Variants in ZNF730 observed in about 807,000 individuals in gnomAD.
ZNF730 encodes the protein putative zinc finger protein 730.
In ZNF730, 12 loss-of-function variants were observed where a neutral mutation model predicts 12.6. The observed-to-expected ratio is 0.95, with a 90% confidence interval of 0.61 to 1.54. The LOEUF is 1.54. ZNF730 is among the 40% of genes most tolerant of loss of function. The pLI is 0.00. For synonymous variants in ZNF730, 194 were observed against 195.8 expected (o/e 0.99, Z 0.08); for missense variants, 643 against 583.5 (o/e 1.10, Z -1.05).
chr19:23,092,552 G>A (rs996423609), intron 1 of ZNF730, among the ~76,000 whole-genome samples: 3 of 152,104 alleles, frequency 2.0e-5, no homozygotes, highest in Non-Finnish European at 4.4e-5. Flanking sequence ...TTGCACCATT[G>A]CACTCCAGCC....
At chr19:23,133,906 T>G (rs1970780498) in intron 1 of ZNF730, among the ~76,000 whole-genome samples, 174 bp from the exon 2 acceptor site, 1 of 152,182 alleles carries the variant, frequency 6.6e-6, no homozygotes, top group African/African-American at 2.4e-5. Flanking sequence ...TTTCTCAGAG[T>G]TAGAGTATAT....
upstream of ZNF730, among the ~76,000 whole-genome samples, chr19:23,112,974 A>T (rs1970475797): frequency 6.6e-6 from 1 of 152,336 alleles, no homozygotes; most frequent in South Asian, 2.1e-4. Context: ...TTAGAAATGT[A>T]TCCCCTATCA....
At chr19:23,083,716 T>G (rs1331123777) in intron 1 of ZNF730, among the ~76,000 whole-genome samples, 1 of 152,138 alleles carries the variant, frequency 6.6e-6, no homozygotes, top group Non-Finnish European at 1.5e-5. Context: ...CTGTTAGCCA[T>G]TCATATGTTT....
chr19:23,115,835 A>G (rs1021654823), upstream of ZNF730, among the ~76,000 whole-genome samples: 6 of 152,154 alleles, frequency 3.9e-5, no homozygotes, highest in Non-Finnish European at 8.8e-5. Context: ...ATTATTACCT[A>G]ATAAGTTTTG....
chr19:23,108,263 T>G (rs990430398), intron 1 of ZNF730, among the ~76,000 whole-genome samples: 4 of 152,086 alleles, frequency 2.6e-5, no homozygotes, highest in African/African-American at 9.7e-5. Flanking sequence ...CAGGTTCAAC[T>G]CAAGCAATTC....
At chr19:23,080,554 T>C (rs1969944623) in intron 1 of ZNF730, among the ~76,000 whole-genome samples, 1 of 151,988 alleles carries the variant, frequency 6.6e-6, no homozygotes, top group South Asian at 2.1e-4. Flanking sequence ...TTTTTATTTT[T>C]AGTAGAGACG....
upstream of ZNF730, among the ~76,000 whole-genome samples, chr19:23,116,534 G>C (rs948556964): frequency 6.8e-6 from 1 of 146,096 alleles, no homozygotes; most frequent in Non-Finnish European, 1.5e-5. Flanking sequence ...AGCCTCCCGA[G>C]TAGCTGGGAT....
intron 1 of ZNF730, among the ~76,000 whole-genome samples, chr19:23,105,159 C>T (rs1196414315): frequency 6.6e-6 from 1 of 150,782 alleles, no homozygotes; most frequent in Non-Finnish European, 1.5e-5. Flanking sequence ...GCTCTGTCAC[C>T]CAGGCTGGAG....
At position 23,146,070 on chromosome 19, in the gene ZNF730, T is replaced by C. The variant is rs541473162; in HGVS notation, c.1026T>C (p.Cys342=). 2 of 1,612,388 alleles carry C rather than the reference T, an allele frequency of 1.2e-6. No individual in the cohort carries two copies. The highest frequency in any genetic ancestry group is 1.7e-6 in the Non-Finnish European group (2 of 1,179,576). Residue 342 remains cysteine (C), a synonymous_variant, in exon 4 of 4, where the codon TGT becomes TGC. Transcript: ENST00000597761. Reference sequence around the variant, plus strand: ...ATAATGGAGAAAAACCCTACAAATGTGAAGAATGTGGCAAAGCTTTTAACC... The same window carrying C: ...ATAATGGAGAAAAACCCTACAAATGCGAAGAATGTGGCAAAGCTTTTAACC... ...RIHNGEKPYK[C]EECGKAFNRS... is the part of the protein sequence containing the mutation.
At chr19:23,087,412 A>G (rs751548132) in intron 1 of ZNF730, among the ~76,000 whole-genome samples, 1 of 151,914 alleles carries the variant, frequency 6.6e-6, no homozygotes, top group Non-Finnish European at 1.5e-5. Flanking sequence ...CGTCTCAAAG[A>G]AAAAAAAGAA....
intron 1 of ZNF730, among the ~76,000 whole-genome samples, chr19:23,132,296 A>G (rs914703600): frequency 4.6e-5 from 7 of 152,204 alleles, no homozygotes; most frequent in Non-Finnish European, 1.0e-4. Context: ...TTCCAGAGAA[A>G]GACGAGAAGA....
At chr19:23,108,371 C>CT (rs1360542134) in intron 1 of ZNF730, among the ~76,000 whole-genome samples, 2 of 151,792 alleles carry the variant, frequency 1.3e-5, no homozygotes, top group Non-Finnish European at 2.9e-5. Context: ...TACATGCAGT[C>CT]TGGGATGAAA....
intron 3 of ZNF730, among the ~76,000 whole-genome samples, chr19:23,140,700 T>A (rs1294825582): frequency 6.6e-6 from 1 of 151,452 alleles, no homozygotes. Flanking sequence ...ACGTCTGTAA[T>A]CCCAGCACTT....
chr19:23,134,032 C>G, intron 1 of ZNF730, 48 bp from the exon 2 acceptor site: 1 of 1,602,962 alleles, frequency 6.2e-7, no homozygotes, highest in Admixed American at 1.7e-5. Flanking sequence ...ACTTAAAATT[C>G]TGCCCAGGGG....
At chr19:23,092,201 T>A (rs1044050301) in intron 1 of ZNF730, among the ~76,000 whole-genome samples, 1 of 152,212 alleles carries the variant, frequency 6.6e-6, no homozygotes, top group Admixed American at 6.6e-5. Context: ...ACCATGATTC[T>A]GATGCCTCCC....
chr19:23,084,869 G>A (rs894777771), intron 1 of ZNF730, among the ~76,000 whole-genome samples: 1 of 152,122 alleles, frequency 6.6e-6, no homozygotes, highest in Non-Finnish European at 1.5e-5. Flanking sequence ...ATCATTAATG[G>A]ACATTTCAGT....
intron 1 of ZNF730, among the ~76,000 whole-genome samples, chr19:23,126,324 C>A (rs546029901): frequency 6.6e-6 from 1 of 152,254 alleles, no homozygotes; most frequent in East Asian, 1.9e-4. Context: ...AAAACTTGGA[C>A]TTCTGAGTAT....
chr19:23,130,623 T>C (rs1970733786), intron 1 of ZNF730, among the ~76,000 whole-genome samples: 1 of 152,226 alleles, frequency 6.6e-6, no homozygotes, highest in African/African-American at 2.4e-5. Flanking sequence ...TTTACCTTAC[T>C]AAAAATACAT....
intron 1 of ZNF730, among the ~76,000 whole-genome samples, chr19:23,106,172 T>C (rs4932819): frequency 0.98 from 148,678 of 151,282 alleles, 73,083 homozygotes; most frequent in Middle Eastern, 1. Context: ...GAAGGGGAGA[T>C]GGAGAAATAG....
Sources: allele counts gnomAD v4.1 joint callset (sites outside exome capture counted in the v4.1 genomes callset), GRCh38; gene constraint gnomAD v4.1.1; transcripts MANE v1.5; gene names NCBI Gene and HGNC (gene_info 2026-07-23, HGNC 2026-07-21).